Variants in SLC19A2 observed in about 807,000 individuals in gnomAD.
SLC19A2 encodes thiamine transporter 1.
In SLC19A2, 27 loss-of-function variants were observed where a neutral mutation model predicts 44.7. The ratio of observed to expected loss-of-function variants is 0.60; its 90% CI spans 0.45 to 0.83. The LOEUF (loss-of-function observed/expected upper bound fraction) is 0.83. Ranked by LOEUF, SLC19A2 falls within the 40% of genes least tolerant of loss-of-function variation. The probability of loss-of-function intolerance (pLI) is 0.00; values close to 1 mark genes in which losing one functional copy is unlikely to be tolerated. For synonymous variants in SLC19A2, 239 were observed against 243.6 expected (o/e 0.98, Z 0.18); for missense variants, 566 against 613.7 (o/e 0.92, Z 0.82).
chr1:169,473,793 T>C (rs900233565), intron 2 of SLC19A2, among the ~76,000 whole-genome samples: 3 of 148,932 alleles, frequency 2.0e-5, no homozygotes, highest in African/African-American at 7.3e-5. Flanking sequence ...AAAGGAAAGA[T>C]TGCTCTATTT....
rs1157142507 is a variant in SLC19A2, at chr1:169,465,529, C to T, written c.*320G>A. ...CATATGTGACCTATAAAACACCAAACTCACTTGCTAATGAAGTATACAACA... is the reference window on the plus strand; with the variant it reads ...CATATGTGACCTATAAAACACCAAATTCACTTGCTAATGAAGTATACAACA... On this transcript the variant is annotated 3_prime_UTR_variant, in exon 6 of 6. Transcript: ENST00000236137. 5.8e-6 allele frequency: 2 copies of T among 344,312 alleles called. No individual in the cohort carries two copies. Among genetic ancestry groups the T allele is most frequent in the Non-Finnish European group, 5.5e-6 (1 of 180,788 alleles). The allele number at this position is 344,312 out of a possible 1,614,324, so 21.3% of individuals were successfully genotyped here. A position where few individuals can be genotyped will look rare whatever the true frequency, so the allele number is the denominator to read the frequency against.
intron 5 of SLC19A2, among the ~76,000 whole-genome samples, chr1:169,467,567 A>C (rs1464674227): frequency 1.3e-5 from 2 of 152,232 alleles, no homozygotes; most frequent in African/African-American, 4.8e-5. Flanking sequence ...AGGCATATAC[A>C]ACTATACAAT....
Position 169,465,075 on chromosome 1 carries a change from A to C in SLC19A2, c.*774T>G, listed in dbSNP as rs1657957687. On this transcript the variant is annotated 3_prime_UTR_variant, in exon 6 of 6. Coordinates refer to ENST00000236137, the MANE Select transcript of SLC19A2 (RefSeq NM_006996.3). Reference sequence around the variant, plus strand: ...TGAAGATTTAAAGACAAGCAAGCGTACCTTAAGCTTTCTTAAGTCTCTTCA... The same window carrying C: ...TGAAGATTTAAAGACAAGCAAGCGTCCCTTAAGCTTTCTTAAGTCTCTTCA... The C allele has an allele frequency of 6.6e-6, 1 of 152,200 alleles. No homozygotes were observed. Among genetic ancestry groups the C allele is most frequent in the African/African-American group, 2.4e-5 (1 of 41,452 alleles). The allele number at this position is 152,200 out of a possible 1,614,324, so 9.4% of individuals were successfully genotyped here.
At position 169,470,147 on chromosome 1, in the gene SLC19A2, A is replaced by G; in HGVS notation, c.847T>C (p.Trp283Arg). 6.2e-7 allele frequency: 1 copy of G among 1,614,104 alleles called. No homozygotes were observed. The highest frequency in any genetic ancestry group is 1.1e-5 in the South Asian group (1 of 91,080). Residue 283 changes from tryptophan (W) to arginine (R), a missense_variant, in exon 3 of 6, where the codon TGG becomes CGG. Transcript: ENST00000236137. ...PDRLLVLKVL[W>R]NDFLMCYSSR... is the part of the protein sequence containing the mutation. ...GAGTAGCACATCAGGAAATCATTCC[A>G]TAGTACTTTCAATACAAGGAGACGG... is the stretch of plus-strand genomic sequence containing the variant.
At position 169,465,505 on chromosome 1, in the gene SLC19A2, A is replaced by G. The variant is rs1421130283; in HGVS notation, c.*344T>C. On this transcript the variant is annotated 3_prime_UTR_variant, in exon 6 of 6. Coordinates refer to ENST00000236137, the MANE Select transcript of SLC19A2 (RefSeq NM_006996.3). ...AGCATCTGGCTAAGTAGATACAGAC[A>G]TATGTGACCTATAAAACACCAAACT... 1.6e-5 allele frequency: 5 copies of G among 318,302 alleles called. No individual in the cohort carries two copies. Among genetic ancestry groups the G allele is most frequent in the Non-Finnish European group, 3.0e-5 (5 of 165,916 alleles). The allele number at this position is 318,302 out of a possible 1,614,324, so 19.7% of individuals were successfully genotyped here.
intron 1 of SLC19A2, among the ~76,000 whole-genome samples, chr1:169,479,993 A>G (rs1468946440): frequency 6.6e-6 from 1 of 152,222 alleles, no homozygotes; most frequent in Non-Finnish European, 1.5e-5. Flanking sequence ...ATTCCAGACA[A>G]AAGTGATCTG....
At position 169,477,269 on chromosome 1, in the gene SLC19A2, C is replaced by T; in HGVS notation, c.693G>A (p.Lys231=). ...CAGTAACAATGCCACCATTTTGTACCTTGATGCCATTCACTCTCTGGCAGG... is the reference window on the plus strand; with the variant it reads ...CAGTAACAATGCCACCATTTTGTACTTTGATGCCATTCACTCTCTGGCAGG... The part of the protein sequence containing the change: ...PSTCQRVNGI[K]VQNGGIVTDT... Residue 231 remains lysine, a synonymous_variant, in exon 2 of 6, where the codon AAG becomes AAA. Coordinates refer to ENST00000236137, the MANE Select transcript of SLC19A2 (RefSeq NM_006996.3). The T allele has an allele frequency of 6.2e-7, 1 of 1,614,148 alleles. No individual in the cohort carries two copies. Among genetic ancestry groups the T allele is most frequent in the Non-Finnish European group, 8.5e-7 (1 of 1,180,032 alleles).
In SLC19A2 at chr1:169,467,440, G is replaced by A. The variant is rs3862937; in HGVS notation, c.1365+671C>T. Among the ~76,000 whole-genome samples the A allele has an allele frequency of 0.06, 9,058 of 152,168 alleles. 1,409 individuals are homozygous for A. The East Asian group carries it at 0.67, about 11-fold the overall frequency. On this transcript the variant is annotated intron_variant, in intron 5 of 5. Transcript: ENST00000236137. ...AAACAAAGTTAATTACGGCTAATAT[G>A]TTGGGAAGAAATCATTTGGGTTGGG...
At chr1:169,475,500 C>T (rs80032696) in intron 2 of SLC19A2, among the ~76,000 whole-genome samples, 7,108 of 152,118 alleles carry the variant, frequency 0.047, 223 homozygotes, top group East Asian at 0.12. Context: ...TATATTTATA[C>T]ACATATTATC....
intron 1 of SLC19A2, among the ~76,000 whole-genome samples, chr1:169,481,412 A>G (rs1043621799): frequency 1.3e-5 from 2 of 152,264 alleles, no homozygotes; most frequent in African/African-American, 2.4e-5. Flanking sequence ...ACTATCTTCC[A>G]GGTTAATTCT....
chr1:169,477,828 T>G, intron 1 of SLC19A2, 71 bp from the exon 2 acceptor site: 2 of 1,489,580 alleles, frequency 1.3e-6, no homozygotes, highest in Non-Finnish European at 1.8e-6. Context: ...CATAAAGAAT[T>G]TATTCATAAA....
Position 169,485,841 on chromosome 1 carries a change from A to C in SLC19A2, c.-75T>G, listed in dbSNP as rs1658554259. ...CCGCCAACTGGAGTGAGGGTCAGGC[A>C]CTTGTAACCGCGAGTGACGCCTTCT... On this transcript the variant is annotated 5_prime_UTR_variant, in exon 1 of 6. Transcript: ENST00000236137. The C allele has an allele frequency of 6.9e-7, 1 of 1,446,444 alleles. No individual in the cohort carries two copies. The highest frequency in any genetic ancestry group is 9.1e-7 in the Non-Finnish European group (1 of 1,094,442). 89.6% of individuals were successfully genotyped at this position (1,446,444 alleles called of 1,614,324 possible).
chr1:169,467,854 T>G (rs1027243206), intron 5 of SLC19A2, among the ~76,000 whole-genome samples: 1 of 152,168 alleles, frequency 6.6e-6, no homozygotes, highest in African/African-American at 2.4e-5. Flanking sequence ...GGAATCAATA[T>G]TACCTCTCAG....
Position 169,466,673 on chromosome 1 carries a change from TC to T in SLC19A2, c.1366-697del, listed in dbSNP as rs543299726. Among the ~76,000 whole-genome samples the T allele has an allele frequency of 9.2e-5, 14 of 152,180 alleles. No homozygotes were observed. The South Asian group carries it at 2.5e-3, about 27-fold the overall frequency. On this transcript the variant is annotated intron_variant, in intron 5 of 5. Transcript: ENST00000236137. ...ACATTAGGTATTTGTCCTAATGCTC[TC>T]CCTTCCCTTGCCTCCCACCCCCCAA... is the stretch of plus-strand genomic sequence containing the variant.
At position 169,485,549 on chromosome 1, in the gene SLC19A2, T is replaced by C. The variant is rs1571542761; in HGVS notation, c.204+14A>G. ...TCGCCCGCCCTTCCCGCGCCCCGCG[T>C]CCGCCGCGCGTACCTCCCTCTCGGT... On this transcript the variant is annotated intron_variant, in intron 1 of 5. Transcript: ENST00000236137. The C allele has an allele frequency of 6.3e-7, 1 of 1,575,842 alleles. No individual in the cohort carries two copies. The highest frequency in any genetic ancestry group is 8.6e-7 in the Non-Finnish European group (1 of 1,161,390).
intron 1 of SLC19A2, among the ~76,000 whole-genome samples, chr1:169,482,334 G>A (rs916135015): frequency 6.6e-6 from 1 of 152,066 alleles, no homozygotes; most frequent in African/African-American, 2.4e-5. Flanking sequence ...GAGGCCAGGG[G>A]TTCAAAACCA....
chr1:169,465,163 A>G lies in SLC19A2; in HGVS notation c.*686T>C, dbSNP rs1184324808. On this transcript the variant is annotated 3_prime_UTR_variant, in exon 6 of 6. Coordinates refer to ENST00000236137, the MANE Select transcript of SLC19A2 (RefSeq NM_006996.3). ...AATGAGCTTCTCTGGGAAGCATATG[A>G]ATAATGCAAAAACGTACTTCTAAAC... 6.6e-6 allele frequency: 1 copy of G among 152,244 alleles called. No individual in the cohort carries two copies. Among genetic ancestry groups the G allele is most frequent in the Admixed American group, 6.5e-5 (1 of 15,278 alleles). 9.4% of individuals were successfully genotyped at this position (152,244 alleles called of 1,614,324 possible).
intron 2 of SLC19A2, among the ~76,000 whole-genome samples, chr1:169,472,963 CTGTGTTCCATGGAGCTT>C (rs1200862635): frequency 6.6e-6 from 1 of 152,204 alleles, no homozygotes; most frequent in African/African-American, 2.4e-5. Context: ...GTGGCCTTCA[CTGTGTTCCATGGAGCTT>C]TAAGAGTTTC....
At chr1:169,481,654 C>A (rs1658447600) in intron 1 of SLC19A2, among the ~76,000 whole-genome samples, 1 of 152,202 alleles carries the variant, frequency 6.6e-6, no homozygotes, top group Non-Finnish European at 1.5e-5. Flanking sequence ...ATTGTCCATA[C>A]TCCAACTTCT....
Sources: gnomAD v4.1 joint callset for allele counts (sites outside exome capture counted in the v4.1 genomes callset) on GRCh38, gnomAD v4.1.1 for gene constraint, MANE v1.5 for transcripts, NCBI Gene and HGNC (gene_info 2026-07-23, HGNC 2026-07-21) for gene names.